Variants in EVC observed in about 807,000 individuals in gnomAD.
EVC encodes the protein evC complex member EVC.
EVC carries 116 observed loss-of-function variants against 118.9 expected under a neutral mutation model. The ratio of observed to expected loss-of-function variants is 0.98; its 90% confidence interval spans 0.84 to 1.14. EVC has a LOEUF of 1.14. Ranked by LOEUF, EVC falls within the 50% of genes most tolerant of loss-of-function variation. EVC has a pLI of 0.00. For missense variants in EVC, 1,401 were observed against 1,246.4 expected (o/e 1.12, Z -1.87); for synonymous variants, 619 against 534.7 (o/e 1.16, Z -2.18).
chr4:5,815,595 C>G (rs1035448765), downstream of EVC, among the ~76,000 whole-genome samples: 13 of 152,154 alleles, frequency 8.5e-5, no homozygotes, highest in Admixed American at 6.5e-4. Context: ...TCCTCCTCCC[C>G]AGAGAAGAAT....
At chr4:5,757,644 C>T (rs536508479) in intron 11 of EVC, among the ~76,000 whole-genome samples, 19 of 152,180 alleles carry the variant, frequency 1.2e-4, no homozygotes, top group African/African-American at 4.3e-4. Flanking sequence ...GCTTGGAAGA[C>T]TGAAGGGCAG....
At chr4:5,828,496 C>T in the EVC span, 6 of 1,613,914 alleles carry the variant, frequency 3.7e-6, no homozygotes, top group Admixed American at 1.7e-5. Context: ...CACCTTATTC[C>T]TGATTTTGAC....
At chr4:5,752,274 C>G (rs1730496117) in intron 8 of EVC, among the ~76,000 whole-genome samples, 1 of 152,112 alleles carries the variant, frequency 6.6e-6, no homozygotes, top group African/African-American at 2.4e-5. Context: ...ACATTTCCCC[C>G]TGTCTTTTCT....
chr4:5,783,475 G>T (rs1248364847), intron 11 of EVC, 77 bp from the exon 12 acceptor site: 2 of 1,393,078 alleles, frequency 1.4e-6, no homozygotes, highest in Non-Finnish European at 2.0e-6. Context: ...GCTTGTGGAG[G>T]AGAGGCAGAG....
In EVC at chr4:5,770,535, C is replaced by T. The variant is rs147659784; in HGVS notation, c.1564-13017C>T. Among the ~76,000 whole-genome samples, 161 of 152,160 alleles carry T rather than the reference C, an allele frequency of 1.1e-3. 1 individual carries two copies. The highest frequency in any genetic ancestry group is 3.7e-3 in the African/African-American group (152 of 41,484). ...GGGCCTAGGAGTCAGGCCCAAGCCT[C>T]GTAACATTCTAGTGGGAAGTAGTGA... On this transcript the variant is annotated intron_variant, in intron 11 of 20. Coordinates refer to ENST00000264956, the MANE Select transcript of EVC (RefSeq NM_153717.3).
At chr4:5,774,018 A>C (rs1187417361) in intron 11 of EVC, among the ~76,000 whole-genome samples, 1 of 152,024 alleles carries the variant, frequency 6.6e-6, no homozygotes, top group African/African-American at 2.4e-5. Context: ...GTGCATCTTC[A>C]GCCCTGGCCA....
intron 11 of EVC, among the ~76,000 whole-genome samples, chr4:5,757,352 G>A (rs547464190): frequency 2.0e-5 from 3 of 152,254 alleles, no homozygotes; most frequent in African/African-American, 7.2e-5. Context: ...AGGAGTCAGC[G>A]GGCATCCCCA....
At position 5,756,368 on chromosome 4, in the gene EVC, T is replaced by C. The variant is rs1457402156; in HGVS notation, c.1563+6T>C. On this transcript the variant is annotated splice_donor_region_variant and intron_variant, in intron 11 of 20. Transcript: ENST00000264956. The surrounding 1 kb of genome is among the most constrained non-coding windows in gnomAD (Gnocchi z 4.2). ...CTGTGGTTGCACTCTGCCAGGTACA[T>C]GGCCTCTGTGGGGACCAGCAGAGAA... is the stretch of plus-strand genomic sequence containing the variant. 3.7e-6 allele frequency: 6 copies of C among 1,602,782 alleles called. No individual in the cohort carries two copies. The East Asian group carries it at 1.3e-4, about 36-fold the overall frequency.
At chr4:5,827,742 C>G in the EVC span, among the ~76,000 whole-genome samples, 1 of 147,602 alleles carries the variant, frequency 6.8e-6, no homozygotes, top group African/African-American at 2.6e-5. Flanking sequence ...TGCACACACA[C>G]ACACACACAC....
chr4:5,723,043 T>C (rs1725223390), intron 2 of EVC, among the ~76,000 whole-genome samples: 1 of 152,192 alleles, frequency 6.6e-6, no homozygotes, highest in South Asian at 2.1e-4. Flanking sequence ...GGGCTGGCCC[T>C]GCAGGGGTTG....
chr4:5,794,138 T>C (rs945419926), intron 13 of EVC, among the ~76,000 whole-genome samples: 22 of 150,652 alleles, frequency 1.5e-4, no homozygotes, highest in African/African-American at 5.1e-4. Context: ...TTTATATTCA[T>C]TTTTCACATT....
intron 12 of EVC, among the ~76,000 whole-genome samples, chr4:5,792,921 A>G (rs1035025177): frequency 2.6e-5 from 4 of 152,232 alleles, no homozygotes; most frequent in African/African-American, 9.6e-5. Flanking sequence ...GAGAAATGGC[A>G]TGTTTTGGGG....
downstream of EVC, among the ~76,000 whole-genome samples, chr4:5,816,685 C>T (rs1351048377): frequency 6.9e-6 from 1 of 144,980 alleles, no homozygotes; most frequent in Admixed American, 6.8e-5. Context: ...TTCCCTCCCT[C>T]CCTTCCCTTC....
chr4:5,805,541 G>C (rs984619918), intron 17 of EVC, among the ~76,000 whole-genome samples: 1 of 152,198 alleles, frequency 6.6e-6, no homozygotes, highest in Admixed American at 6.5e-5. Context: ...CAGATGTGGG[G>C]CGCAGAAGCA....
intron 11 of EVC, among the ~76,000 whole-genome samples, chr4:5,775,764 A>G (rs375759687): frequency 1.3e-5 from 2 of 152,134 alleles, no homozygotes; most frequent in African/African-American, 2.4e-5. Flanking sequence ...CTGTGTGTAC[A>G]TATTTTTCTT....
At chr4:5,729,871 A>G (rs887204352) in intron 3 of EVC, among the ~76,000 whole-genome samples, 1 of 152,184 alleles carries the variant, frequency 6.6e-6, no homozygotes, top group Non-Finnish European at 1.5e-5. Flanking sequence ...AGGCCCAGAG[A>G]GGCGAGTGAC....
At chr4:5,792,391 CT>C (rs34100771) in intron 12 of EVC, among the ~76,000 whole-genome samples, 2 of 152,134 alleles carry the variant, frequency 1.3e-5, no homozygotes, top group African/African-American at 4.8e-5. Context: ...AGGCAGAAAA[CT>C]TTTTTTAGGG....
At chr4:5,758,289 A>G in intron 11 of EVC, 2 of 570,786 alleles carry the variant, frequency 3.5e-6, no homozygotes, top group South Asian at 4.6e-5. Flanking sequence ...CGGTGAGAGA[A>G]TAAACTTCGT....
At chr4:5,797,568 G>C (rs968761417) in intron 14 of EVC, among the ~76,000 whole-genome samples, 2 of 152,124 alleles carry the variant, frequency 1.3e-5, no homozygotes, top group Non-Finnish European at 2.9e-5. Context: ...CTCTTATAAG[G>C]ACACCAGGCA....
Sources: allele counts gnomAD v4.1 joint callset (sites outside exome capture counted in the v4.1 genomes callset), GRCh38; gene constraint gnomAD v4.1.1; non-coding constraint Gnocchi (gnomAD v3.1); transcripts MANE v1.5; gene names NCBI Gene and HGNC (gene_info 2026-07-23, HGNC 2026-07-21).